POFUT3: variants seen among roughly 807,000 people sequenced by gnomAD.
POFUT3 encodes the protein protein O-fucosyltransferase 3, also known as GDP-fucose protein O-fucosyltransferase 3.
At chr8:33,372,676 A>G in the POFUT3 span, 1 of 1,614,100 alleles carries the variant, frequency 6.2e-7, no homozygotes, top group Admixed American at 1.7e-5. Flanking sequence ...TGGATTGTTC[A>G]AAGCTGGAAA....
At chr8:33,461,614 C>A in the POFUT3 span, 1 of 1,531,350 alleles carries the variant, frequency 6.5e-7, no homozygotes, top group Non-Finnish European at 8.7e-7. Flanking sequence ...GACTGAGATC[C>A]GAGGTTGTGA....
chr8:33,335,069 A>G, the POFUT3 span, among the ~76,000 whole-genome samples: 1 of 152,164 alleles, frequency 6.6e-6, no homozygotes, highest in Non-Finnish European at 1.5e-5. Context: ...AAGGCATCTG[A>G]AATGCCTTGA....
the POFUT3 span, among the ~76,000 whole-genome samples, chr8:33,467,653 G>A: frequency 0.54 from 81,903 of 151,972 alleles, 22,418 homozygotes; most frequent in Non-Finnish European, 0.58. Context: ...GTTTGGAGCT[G>A]AGTATGACTA....
the POFUT3 span, among the ~76,000 whole-genome samples, chr8:33,468,239 C>CAAAA: frequency 8.0e-6 from 1 of 124,830 alleles, no homozygotes; most frequent in African/African-American, 2.9e-5. Flanking sequence ...AACTGTGTCT[C>CAAAA]AAAAAAAAAA....
At chr8:33,430,064 C>T in the POFUT3 span, among the ~76,000 whole-genome samples, 1 of 151,472 alleles carries the variant, frequency 6.6e-6, no homozygotes, top group Non-Finnish European at 1.5e-5. Context: ...TGTGCCAAAA[C>T]TCACCACCCT....
At chr8:33,340,397 C>CGT in the POFUT3 span, among the ~76,000 whole-genome samples, 1 of 150,722 alleles carries the variant, frequency 6.6e-6, no homozygotes, top group Non-Finnish European at 1.5e-5. Context: ...TATATATATA[C>CGT]ATGTGTGTGT....
the POFUT3 span, among the ~76,000 whole-genome samples, chr8:33,418,554 C>A: frequency 2.0e-5 from 3 of 151,916 alleles, no homozygotes; most frequent in Non-Finnish European, 4.4e-5. Context: ...CTGCCCACCT[C>A]GGCCTCTCAA....
At chr8:33,353,526 A>G in the POFUT3 span, among the ~76,000 whole-genome samples, 1 of 152,282 alleles carries the variant, frequency 6.6e-6, no homozygotes, top group African/African-American at 2.4e-5. Flanking sequence ...TCTCGTCTGC[A>G]CAAGATTAGA....
the POFUT3 span, among the ~76,000 whole-genome samples, chr8:33,391,017 C>A: frequency 2.0e-5 from 3 of 152,016 alleles, no homozygotes; most frequent in African/African-American, 7.3e-5. Flanking sequence ...ATTTTGTAGA[C>A]CCTTGAGTTT....
At chr8:33,373,659 G>A in the POFUT3 span, among the ~76,000 whole-genome samples, 1 of 151,792 alleles carries the variant, frequency 6.6e-6, no homozygotes, top group Non-Finnish European at 1.5e-5. Flanking sequence ...ATTTAGAAGG[G>A]AGAAAGGGAG....
chr8:33,446,217 G>A, the POFUT3 span, among the ~76,000 whole-genome samples: 1 of 152,132 alleles, frequency 6.6e-6, no homozygotes, highest in Non-Finnish European at 1.5e-5. Context: ...AGCACTTTGG[G>A]AGGCCGAGGT....
At chr8:33,422,271 G>A in the POFUT3 span, among the ~76,000 whole-genome samples, 5 of 151,128 alleles carry the variant, frequency 3.3e-5, no homozygotes, top group Admixed American at 6.7e-5. Context: ...GGCCTGGCGC[G>A]GTGGTTCCCG....
chr8:33,407,184 C>T, the POFUT3 span, among the ~76,000 whole-genome samples: 7 of 152,224 alleles, frequency 4.6e-5, no homozygotes, highest in African/African-American at 1.7e-4. Context: ...GGAAAGCTGG[C>T]AGATATTTTA....
At chr8:33,389,378 C>T in the POFUT3 span, 1 of 1,614,170 alleles carries the variant, frequency 6.2e-7, no homozygotes, top group Non-Finnish European at 8.5e-7. Context: ...CCTATAAAAG[C>T]CATCGGCATC....
chr8:33,348,161 ACT>A, the POFUT3 span, among the ~76,000 whole-genome samples: 1 of 137,162 alleles, frequency 7.3e-6, no homozygotes, highest in Non-Finnish European at 1.5e-5. Context: ...ACAGAGCAAG[ACT>A]CTGCCTCAAA....
chr8:33,461,301 G>A, the POFUT3 span: 41 of 1,500,332 alleles, frequency 2.7e-5, no homozygotes, highest in Non-Finnish European at 3.5e-5. Flanking sequence ...TTGGAGTTTT[G>A]AGAAAATAGG....
At chr8:33,352,890 T>C in the POFUT3 span, among the ~76,000 whole-genome samples, 26 of 152,212 alleles carry the variant, frequency 1.7e-4, no homozygotes, top group Admixed American at 1.4e-3. Flanking sequence ...CATCAAACAA[T>C]TAATGACCAC....
the POFUT3 span, among the ~76,000 whole-genome samples, chr8:33,382,385 G>A: frequency 4.9e-5 from 2 of 41,128 alleles, no homozygotes; most frequent in East Asian, 2.7e-3. Context: ...TAAAATGACA[G>A]CAAGGTGGTT....
At chr8:33,411,129 T>C in the POFUT3 span, among the ~76,000 whole-genome samples, 1 of 152,118 alleles carries the variant, frequency 6.6e-6, no homozygotes, top group African/African-American at 2.4e-5. Context: ...AGAGATATTG[T>C]TGAGTTTGCA....
Sources: gnomAD v4.1 joint callset for allele counts (sites outside exome capture counted in the v4.1 genomes callset) on GRCh38, gnomAD v4.1.1 for gene constraint, MANE v1.5 for transcripts, NCBI Gene and HGNC (gene_info 2026-07-23, HGNC 2026-07-21) for gene names.